The following APP variants were observed in gnomAD, a reference collection of about 807,000 sequenced individuals.
The protein encoded by APP is amyloid beta precursor protein.
APP carries 31 observed loss-of-function variants against 101.4 expected under a neutral mutation model. The ratio of observed to expected loss-of-function variants is 0.31; its 90% confidence interval spans 0.23 to 0.41. The LOEUF is 0.41. Ranked by LOEUF, APP falls within the 10% of genes least tolerant of loss-of-function variation. The pLI, the probability that APP is intolerant of heterozygous loss-of-function variation, is 1.00. For missense variants in APP, 839 were observed against 1,003.7 expected (o/e 0.84, Z 2.22); for synonymous variants, 366 against 364.4 (o/e 1.00, Z -0.05).
At chr21:26,153,272 T>C (rs556561340) in intron 1 of APP, among the ~76,000 whole-genome samples, 3 of 152,310 alleles carry the variant, frequency 2.0e-5, no homozygotes, top group South Asian at 4.1e-4. Context: ...AGAAACCACT[T>C]GTACCCCAAA....
chr21:26,065,678 C>T (rs979945022), intron 3 of APP, among the ~76,000 whole-genome samples: 15 of 152,060 alleles, frequency 9.9e-5, no homozygotes, highest in African/African-American at 3.6e-4. Context: ...GTTCAGGACC[C>T]CAAGAAATGT....
chr21:26,118,903 A>AT (rs1568997176), intron 1 of APP, among the ~76,000 whole-genome samples: 12 of 152,166 alleles, frequency 7.9e-5, no homozygotes, highest in East Asian at 1.9e-4. Flanking sequence ...ATGAAAAAAA[A>AT]ATATATATAT....
intron 14 of APP, among the ~76,000 whole-genome samples, chr21:25,907,071 T>G (rs1356062632): frequency 1.3e-5 from 2 of 152,198 alleles, no homozygotes; most frequent in East Asian, 1.9e-4. Flanking sequence ...AGGGTTCAAA[T>G]GCGTATACTT....
At chr21:26,003,764 TC>T (rs961101297) in intron 6 of APP, among the ~76,000 whole-genome samples, 5 of 152,010 alleles carry the variant, frequency 3.3e-5, no homozygotes, top group African/African-American at 1.2e-4. Context: ...TCGTTATAAT[TC>T]CCCCAATTGT....
chr21:26,154,067 A>C (rs982046267), intron 1 of APP, among the ~76,000 whole-genome samples: 2 of 152,226 alleles, frequency 1.3e-5, no homozygotes, highest in Non-Finnish European at 2.9e-5. Context: ...ATTTGCTTAC[A>C]TTCTGAAAAT....
intron 1 of APP, among the ~76,000 whole-genome samples, chr21:26,164,196 G>A (rs1601604976): frequency 6.6e-6 from 1 of 152,252 alleles, no homozygotes; most frequent in East Asian, 1.9e-4. Flanking sequence ...AGTGAGCTGA[G>A]ATCGCACCAC....
chr21:26,142,531 G>A (rs1465180850), intron 1 of APP, among the ~76,000 whole-genome samples: 1 of 152,176 alleles, frequency 6.6e-6, no homozygotes, highest in African/African-American at 2.4e-5. Context: ...CACTTTGGGA[G>A]ATAGAGGTCG....
At chr21:25,899,401 G>A (rs1011320274) in intron 15 of APP, among the ~76,000 whole-genome samples, 1 of 152,178 alleles carries the variant, frequency 6.6e-6, no homozygotes. Context: ...ACTTGCTCTA[G>A]TGAACAGAGC....
At chr21:25,959,025 G>C (rs552849634) in intron 11 of APP, among the ~76,000 whole-genome samples, 24 of 67,002 alleles carry the variant, frequency 3.6e-4, no homozygotes, top group Non-Finnish European at 5.1e-4. Flanking sequence ...TGAAGAATGG[G>C]TTAGTCTCAC....
At chr21:26,019,263 C>T in intron 6 of APP, among the ~76,000 whole-genome samples, 1 of 152,192 alleles carries the variant, frequency 6.6e-6, no homozygotes. Context: ...TATTTTGGTC[C>T]CAACCTAAAA....
chr21:26,086,592 T>C (rs146053559), intron 3 of APP, among the ~76,000 whole-genome samples: 8 of 151,962 alleles, frequency 5.3e-5, no homozygotes, highest in African/African-American at 1.7e-4. Context: ...CTAAAACATA[T>C]ATTTGGATAC....
chr21:26,073,480 T>TA (rs35063252), intron 3 of APP, among the ~76,000 whole-genome samples: 14,162 of 152,044 alleles, frequency 0.093, 813 homozygotes, highest in East Asian at 0.23. Flanking sequence ...AGATGCCTGA[T>TA]AACAGGTGAC....
intron 3 of APP, among the ~76,000 whole-genome samples, chr21:26,062,226 AACAAACAC>A (rs1328167737): frequency 1.2e-3 from 107 of 86,474 alleles, no homozygotes; most frequent in Admixed American, 5.8e-3. Context: ...CAAACAAACA[AACAAACAC>A]ACACACACAC....
intron 2 of APP, among the ~76,000 whole-genome samples, chr21:26,095,899 G>C (rs1422361074): frequency 6.6e-6 from 1 of 151,988 alleles, no homozygotes; most frequent in African/African-American, 2.4e-5. Flanking sequence ...TGTTTTTTAT[G>C]TGAAACCCAA....
At chr21:25,975,849 G>C (rs2146575002) in intron 10 of APP, 105 bp downstream of exon 10, 1 of 897,884 alleles carries the variant, frequency 1.1e-6, no homozygotes, top group East Asian at 2.5e-5. Flanking sequence ...ATGGGACTAT[G>C]AACAATCACA....
At chr21:26,042,875 T>C (rs2045437240) in intron 5 of APP, among the ~76,000 whole-genome samples, 1 of 152,012 alleles carries the variant, frequency 6.6e-6, no homozygotes, top group Admixed American at 6.5e-5. Context: ...ATGGTTGCAA[T>C]ACTGCACTCC....
intron 7 of APP, among the ~76,000 whole-genome samples, chr21:25,999,297 A>C (rs139021061): frequency 1.3e-5 from 2 of 152,308 alleles, no homozygotes; most frequent in African/African-American, 4.8e-5. Context: ...GTCTTTAAAA[A>C]AACAAAAAAA....
At chr21:25,970,307 A>G (rs1451243771) in intron 11 of APP, among the ~76,000 whole-genome samples, 2 of 152,174 alleles carry the variant, frequency 1.3e-5, no homozygotes, top group East Asian at 3.9e-4. Context: ...GACTAAACTG[A>G]GAGTTTAAAT....
At chr21:26,007,216 G>A (rs1317071474) in intron 6 of APP, among the ~76,000 whole-genome samples, 2 of 151,384 alleles carry the variant, frequency 1.3e-5, no homozygotes, top group Non-Finnish European at 3.0e-5. Flanking sequence ...AGTAAAAAGG[G>A]CAAATGTAAG....
Sources: gnomAD v4.1 joint callset for allele counts (sites outside exome capture counted in the v4.1 genomes callset) on GRCh38, gnomAD v4.1.1 for gene constraint, MANE v1.5 for transcripts, NCBI Gene and HGNC (gene_info 2026-07-23, HGNC 2026-07-21) for gene names.